Variants in NPAS3 observed in about 807,000 individuals in gnomAD.
NPAS3 encodes the protein neuronal PAS domain protein 3, also known as neuronal PAS domain-containing protein 3.
Under a neutral mutation model 73.1 loss-of-function variants are expected in NPAS3, and 14 were observed. The ratio of observed to expected loss-of-function variants is 0.19; its 90% CI spans 0.13 to 0.30. The LOEUF is 0.30. NPAS3 is among the 10% of genes least tolerant of loss of function. The pLI is 1.00. For missense variants in NPAS3, 1,096 were observed against 1,250.0 expected (o/e 0.88, Z 1.86); for synonymous variants, 620 against 541.5 (o/e 1.14, Z -2.01).
intron 5 of NPAS3, among the ~76,000 whole-genome samples, chr14:33,643,382 A>ATT (rs1434000081): frequency 6.8e-6 from 1 of 145,986 alleles, no homozygotes; most frequent in Non-Finnish European, 1.5e-5. Flanking sequence ...AATTAAAAAA[A>ATT]AAAAAAAAAA....
intron 2 of NPAS3, among the ~76,000 whole-genome samples, chr14:33,175,226 T>C (rs544007651): frequency 1.3e-5 from 2 of 152,338 alleles, no homozygotes; most frequent in East Asian, 3.9e-4. Context: ...AAAAATGTTT[T>C]TGACAAAGTT....
At chr14:33,184,277 A>AG (rs2045906110) in intron 2 of NPAS3, among the ~76,000 whole-genome samples, 1 of 152,118 alleles carries the variant, frequency 6.6e-6, no homozygotes, top group Non-Finnish European at 1.5e-5. Flanking sequence ...TATTTTGGAA[A>AG]GGGGGAAGCG....
At chr14:33,462,310 T>A (rs2050307973) in intron 4 of NPAS3, among the ~76,000 whole-genome samples, 2 of 152,192 alleles carry the variant, frequency 1.3e-5, no homozygotes, top group Admixed American at 1.3e-4. Context: ...TAGTCATTAT[T>A]GCTGCTGGCA....
At chr14:33,626,684 G>T (rs921374023) in intron 5 of NPAS3, among the ~76,000 whole-genome samples, 1 of 152,210 alleles carries the variant, frequency 6.6e-6, no homozygotes, top group African/African-American at 2.4e-5. Context: ...ATTTTTAGGT[G>T]CTGGGGCCAC....
rs576481523 is a variant in NPAS3 at position 33,621,942 on chromosome 14, C to T, written c.559-54269C>T. 2.4e-4 allele frequency among the ~76,000 whole-genome samples: 36 copies of T among 152,044 alleles called. No individual in the cohort carries two copies. The South Asian group carries it at 7.5e-3, about 32-fold the overall frequency. Reference sequence around the variant, plus strand: ...TTTGAAATAAACTCCTGCTTGGAGCCCATAATGAGGAAGAAAAGAAACAAA... The same window carrying T: ...TTTGAAATAAACTCCTGCTTGGAGCTCATAATGAGGAAGAAAAGAAACAAA... On this transcript the variant is annotated intron_variant, in intron 5 of 11. Coordinates refer to ENST00000356141, the Ensembl canonical transcript of NPAS3.
At chr14:33,659,845 C>T (rs1260588415) in intron 5 of NPAS3, among the ~76,000 whole-genome samples, 1 of 151,992 alleles carries the variant, frequency 6.6e-6, no homozygotes, top group African/African-American at 2.4e-5. Context: ...CAATAGAATA[C>T]ATCTCAGAAA....
chr14:33,779,865 T>G (rs2062926666), intron 9 of NPAS3, among the ~76,000 whole-genome samples: 1 of 152,228 alleles, frequency 6.6e-6, no homozygotes, highest in Non-Finnish European at 1.5e-5. Flanking sequence ...AATGAGATGG[T>G]ACAGCCTAAA....
rs532281405 is a variant in NPAS3 at position 33,334,864 on chromosome 14, T to C, written c.386-32322T>C. 5.3e-5 allele frequency among the ~76,000 whole-genome samples: 8 copies of C among 152,284 alleles called. 1 individual carries two copies. Among genetic ancestry groups the C allele is most frequent in the African/African-American group, 1.9e-4 (8 of 41,578 alleles). The stretch of plus-strand genomic sequence containing the variant: ...TTCCCCACAGTTCAATGTATCATTC[T>C]TATGTCTTTGCATCCTCATAGCTTA... On this transcript the variant is annotated intron_variant, in intron 3 of 11. Transcript: ENST00000356141.
intron 5 of NPAS3, among the ~76,000 whole-genome samples, chr14:33,628,933 G>T (rs909662915): frequency 1.3e-5 from 2 of 152,214 alleles, no homozygotes; most frequent in Non-Finnish European, 2.9e-5. Flanking sequence ...ATAGTTGATA[G>T]AAAACCAGGT....
chr14:33,620,517 C>G (rs189050750), intron 5 of NPAS3, among the ~76,000 whole-genome samples: 1 of 152,072 alleles, frequency 6.6e-6, no homozygotes, highest in Non-Finnish European at 1.5e-5. Flanking sequence ...CGTGTGCATT[C>G]ACAAAAATAT....
chr14:33,037,162 A>G (rs1239031443), intron 1 of NPAS3, among the ~76,000 whole-genome samples: 2 of 152,222 alleles, frequency 1.3e-5, no homozygotes, highest in Non-Finnish European at 2.9e-5. Flanking sequence ...TGAATATAAG[A>G]ACTAGCTACT....
At chr14:33,552,030 G>A (rs1199749883) in intron 4 of NPAS3, among the ~76,000 whole-genome samples, 2 of 152,204 alleles carry the variant, frequency 1.3e-5, no homozygotes, top group Non-Finnish European at 2.9e-5. Flanking sequence ...GGATCCCACA[G>A]ATGAGTCGTC....
Position 33,783,864 on chromosome 14 carries a change from A to C in NPAS3, c.1153+5292A>C, listed in dbSNP as rs538496355. 1.2e-4 allele frequency among the ~76,000 whole-genome samples: 18 copies of C among 152,348 alleles called. No homozygotes were observed. The South Asian group carries it at 3.7e-3, about 32-fold the overall frequency. On this transcript the variant is annotated intron_variant, in intron 9 of 11. Coordinates refer to ENST00000356141, the Ensembl canonical transcript of NPAS3. ...GTATTCATGTGAAAGCTTGAAAAGT[A>C]CAGACCATACTAGTCTTTAGACGGC...
chr14:33,538,853 A>C (rs2054375341), intron 4 of NPAS3, among the ~76,000 whole-genome samples: 1 of 152,144 alleles, frequency 6.6e-6, no homozygotes, highest in African/African-American at 2.4e-5. Flanking sequence ...TTTCTTGAAA[A>C]TCTCATCAAA....
At chr14:33,100,295 C>A (rs1391108358) in intron 2 of NPAS3, among the ~76,000 whole-genome samples, 1 of 152,142 alleles carries the variant, frequency 6.6e-6, no homozygotes, top group African/African-American at 2.4e-5. Context: ...AGAAAGAGTT[C>A]TTCTCTTGAC....
At position 33,666,582 on chromosome 14, in the gene NPAS3, TGA is replaced by T. The variant is rs377623667; in HGVS notation, c.559-9625_559-9624del. ...AAATCCTAAAGGATCTGGAGAAATT[TGA>T]GAGGCAGTGACCTACAGTAGTCTTG... On this transcript the variant is annotated intron_variant, in intron 5 of 11. Transcript: ENST00000356141. 4.7e-3 allele frequency among the ~76,000 whole-genome samples: 721 copies of T among 152,350 alleles called. 6 individuals carry two copies. Among genetic ancestry groups the T allele is most frequent in the Middle Eastern group, 0.014 (4 of 294 alleles).
chr14:33,799,590 G>T, intron 11 of NPAS3, 144 bp from the exon 12 acceptor site: 1 of 786,346 alleles, frequency 1.3e-6, no homozygotes. Flanking sequence ...TGAAGGTGAT[G>T]GAGAAGCCCG....
chr14:33,280,028 CTG>C (rs1460138807), intron 3 of NPAS3, among the ~76,000 whole-genome samples: 1 of 152,134 alleles, frequency 6.6e-6, no homozygotes, highest in Non-Finnish European at 1.5e-5. Context: ...CAGCCTAACA[CTG>C]TGTGAAGGCA....
At chr14:33,735,617 T>C (rs970404649) in intron 7 of NPAS3, among the ~76,000 whole-genome samples, 2 of 152,184 alleles carry the variant, frequency 1.3e-5, no homozygotes, top group African/African-American at 4.8e-5. Context: ...TTCACTTTAA[T>C]GGAGAAGGTG....
Sources: gnomAD v4.1 joint callset for allele counts (sites outside exome capture counted in the v4.1 genomes callset) on GRCh38, gnomAD v4.1.1 for gene constraint, MANE v1.5 for transcripts, NCBI Gene and HGNC (gene_info 2026-07-23, HGNC 2026-07-21) for gene names.